Variants in CS observed in about 807,000 individuals in gnomAD.
CS encodes citrate synthase, mitochondrial.
CS carries 13 observed loss-of-function variants against 61.4 expected under a neutral mutation model. The ratio of observed to expected loss-of-function variants is 0.21; its 90% CI spans 0.14 to 0.34. The LOEUF (loss-of-function observed/expected upper bound fraction) is 0.34, where lower values mean the gene tolerates loss of function less well. Among genes scored for constraint, CS ranks in the 10% least tolerant of loss-of-function variants. CS has a pLI of 1.00. For missense variants in CS, 278 were observed against 573.4 expected, an observed-to-expected ratio of 0.48 and a Z score of 5.26; for synonymous variants, 159 against 215.2, an observed-to-expected ratio of 0.74 and a Z score of 2.29.
At position 56,283,803 on chromosome 12, in the gene CS, C is replaced by G; in HGVS notation, c.256G>C (p.Asp86His). The change falls in exon 4 of 11, where the codon GAT becomes CAT. Residue 86 changes from aspartate (D) to histidine (H), a missense_variant. Asp to His is a moderately conservative substitution (Grantham distance 81, BLOSUM62 -1). Transcript: ENST00000351328. Reference sequence around the variant, plus strand: ...TGAAGATGTCTTACCTCATCAGGATCAAGAACTGATGTTTCATAGACCAAT... The same window carrying G: ...TGAAGATGTCTTACCTCATCAGGATGAAGAACTGATGTTTCATAGACCAAT... The part of the protein sequence containing the change: ...KGLVYETSVL[D>H]PDEGIRFRGF... 6.2e-7 allele frequency: 1 copy of G among 1,609,770 alleles called. No homozygotes were observed. Among genetic ancestry groups the G allele is most frequent in the South Asian group, 1.1e-5 (1 of 90,940 alleles).
At chr12:56,295,729 C>T (rs1008281019) in intron 1 of CS, among the ~76,000 whole-genome samples, 74 of 149,346 alleles carry the variant, frequency 5.0e-4, no homozygotes, top group African/African-American at 1.7e-3. Context: ...TGGAGGCGGG[C>T]GGATCACGAG....
chr12:56,286,354 A>G lies in CS; in HGVS notation c.93+241T>C. On this transcript the variant is annotated intron_variant, in intron 2 of 10. Transcript: ENST00000351328. ...TTTTATGTTATGTATATTTTACACT[A>G]CTTAAAACATTTAAAAGAATTAGGC... 3 of 542,760 alleles carry G rather than the reference A, an allele frequency of 5.5e-6. No homozygotes were observed. The South Asian group carries it at 7.9e-5, about 14-fold the overall frequency. The allele number at this position is 542,760 out of a possible 1,614,324, so 33.6% of individuals were successfully genotyped here. A position where few individuals can be genotyped will look rare whatever the true frequency, so the allele number is the denominator to read the frequency against.
rs1872801852 is a variant in CS at position 56,282,440 on chromosome 12, T to A, written c.568A>T (p.Ser190Cys). The A allele has an allele frequency of 3.1e-6, 5 of 1,610,382 alleles. No homozygotes were observed. The highest frequency in any genetic ancestry group is 1.3e-5 in the African/African-American group (1 of 74,862). The stretch of plus-strand genomic sequence containing the variant: ...CCTACCTCCCAGTACTTGGTTCGGC[T>A]GATACCCTGTGCATATGCTCGGGCA... ...NFARAYAQGI[S>C]RTKYWELIYE... is the part of the protein sequence containing the mutation. Residue 190 changes from serine to cysteine, a missense_variant, in exon 6 of 11, where the codon AGC becomes TGC. Transcript: ENST00000351328.
rs77935282 is a variant in CS, at chr12:56,282,266, T to G, written c.588+154A>C. The G allele has an allele frequency of 3.0e-3, 1,813 of 605,254 alleles. 3 individuals are homozygous for G. Among genetic ancestry groups the G allele is most frequent in the Non-Finnish European group, 3.5e-3 (1,290 of 368,248 alleles). The allele number at this position is 605,254 out of a possible 1,614,324, so 37.5% of individuals were successfully genotyped here. The stretch of plus-strand genomic sequence containing the variant: ...TACTTAGCTTTGTAATTCCAACAAC[T>G]GACAAAAAACAAGCCTCCAATGAAA... On this transcript the variant is annotated intron_variant, in intron 6 of 10. Transcript: ENST00000351328.
intron 7 of CS, 99 bp downstream of exon 7, chr12:56,275,897 T>A: frequency 9.5e-7 from 1 of 1,050,154 alleles, no homozygotes; most frequent in Non-Finnish European, 1.5e-6. Context: ...TCTTGCTGCC[T>A]ATCATCTGTT....
chr12:56,272,127 A>G lies in CS; in HGVS notation c.*957T>C. Reference sequence around the variant, plus strand: ...AATCTTGAATCAATTCCCTGTTCAAAAAGAGGTGCTAATACCCCGGGGACA... The same window carrying G: ...AATCTTGAATCAATTCCCTGTTCAAGAAGAGGTGCTAATACCCCGGGGACA... On this transcript the variant is annotated 3_prime_UTR_variant, in exon 11 of 11. Transcript: ENST00000351328. 1 of 313,592 alleles carries G rather than the reference A, an allele frequency of 3.2e-6. No homozygotes were observed. The highest frequency in any genetic ancestry group is 6.3e-6 in the Non-Finnish European group (1 of 159,234). 19.4% of individuals were successfully genotyped at this position (313,592 alleles called of 1,614,324 possible). A position where few individuals can be genotyped will look rare whatever the true frequency, so the allele number is the denominator to read the frequency against.
intron 1 of CS, among the ~76,000 whole-genome samples, chr12:56,297,262 C>G (rs1873334128): frequency 6.6e-6 from 1 of 152,126 alleles, no homozygotes; most frequent in South Asian, 2.1e-4. Flanking sequence ...AAACCCAGAT[C>G]ATCTGTGAAA....
chr12:56,274,116 C>A, intron 9 of CS: 1 of 326,502 alleles, frequency 3.1e-6, no homozygotes, highest in South Asian at 3.3e-5. Context: ...GAGTCCTAGA[C>A]TAGCCTGACC....
intron 7 of CS, 92 bp downstream of exon 7, chr12:56,275,904 T>C: frequency 9.0e-7 from 1 of 1,111,870 alleles, no homozygotes; most frequent in Non-Finnish European, 1.4e-6. Context: ...GCCTATCATC[T>C]GTTCTCAGAA....
At chr12:56,288,346 ATTTTTTTTTTT>A (rs1164867172) in intron 1 of CS, among the ~76,000 whole-genome samples, 1 of 123,164 alleles carries the variant, frequency 8.1e-6, no homozygotes, top group South Asian at 2.5e-4. Context: ...GCTTTTTAGA[ATTTTTTTTTTT>A]TTTTTTTTTT....
At chr12:56,286,349 A>G (rs1872938500) in intron 2 of CS, 1 of 541,278 alleles carries the variant, frequency 1.8e-6, no homozygotes, top group South Asian at 2.6e-5. Context: ...TGTATATTTT[A>G]CACTACTTAA....
intron 1 of CS, 33 bp from the exon 2 acceptor site, chr12:56,286,678 G>C (rs1247053838): frequency 1.9e-6 from 3 of 1,588,200 alleles, no homozygotes; most frequent in Non-Finnish European, 2.6e-6. Flanking sequence ...TTATGTAACT[G>C]TTACCCCTCC....
chr12:56,274,727 C>T (rs778878564), intron 9 of CS, 50 bp downstream of exon 9: 1 of 1,372,614 alleles, frequency 7.3e-7, no homozygotes, highest in Admixed American at 2.5e-5. Flanking sequence ...TTCCAAATTG[C>T]AGAACTTGTG....
chr12:56,275,228 T>C (rs1779656434), intron 7 of CS, 97 bp from the exon 8 acceptor site: 2 of 1,452,892 alleles, frequency 1.4e-6, no homozygotes, highest in African/African-American at 2.8e-5. Context: ...AGCCTAGTTA[T>C]GGGCTCATGC....
At position 56,284,908 on chromosome 12, in the gene CS, A is replaced by C. The variant is rs551048737; in HGVS notation, c.201+1008T>G. On this transcript the variant is annotated intron_variant, in intron 3 of 10. Transcript: ENST00000351328. ...GTGAGACTCCGTCCCAAAAAAAAAA[A>C]AAAAAACAGGGTTTTGCCAGCCATG... 2.3e-3 allele frequency among the ~76,000 whole-genome samples: 356 copies of C among 151,798 alleles called. 1 individual carries two copies. Among genetic ancestry groups the C allele is most frequent in the African/African-American group, 8.2e-3 (338 of 41,440 alleles).
chr12:56,291,353 CTTTT>C (rs879317710), intron 1 of CS: 47 of 688,772 alleles, frequency 6.8e-5, no homozygotes, highest in Non-Finnish European at 7.9e-5. Context: ...TTCTTTCTTT[CTTTT>C]TTTTTTTTAA....
Position 56,274,994 on chromosome 12 carries a change from A to G in CS, c.918+8T>C. On this transcript the variant is annotated splice_region_variant and intron_variant, in intron 8 of 10. Coordinates refer to ENST00000351328, the MANE Select transcript of CS (RefSeq NM_004077.3). The stretch of plus-strand genomic sequence containing the variant: ...CATGTAGCAGGAAAATAAAAAGAAT[A>G]GTCTTACCTGATTTGCCAGTCCATG... The G allele has an allele frequency of 2.5e-6, 4 of 1,613,980 alleles. No homozygotes were observed. Among genetic ancestry groups the G allele is most frequent in the Non-Finnish European group, 3.4e-6 (4 of 1,179,920 alleles).
intron 1 of CS, among the ~76,000 whole-genome samples, chr12:56,296,210 C>T (rs980175388): frequency 6.6e-6 from 1 of 152,108 alleles, no homozygotes; most frequent in African/African-American, 2.4e-5. Flanking sequence ...CCTGTAATCT[C>T]AGCACTTTGG....
At chr12:56,294,692 G>A (rs560268387) in intron 1 of CS, among the ~76,000 whole-genome samples, 3 of 148,438 alleles carry the variant, frequency 2.0e-5, no homozygotes, top group Non-Finnish European at 3.0e-5. Context: ...TCAGCCTCCC[G>A]AGTAGCTGGG....
Sources: gnomAD v4.1 joint callset for allele counts (sites outside exome capture counted in the v4.1 genomes callset) on GRCh38, gnomAD v4.1.1 for gene constraint, MANE v1.5 for transcripts, NCBI Gene and HGNC (gene_info 2026-07-23, HGNC 2026-07-21) for gene names.